The following ABCB1 variants were observed in gnomAD, a reference collection of about 807,000 sequenced individuals.
ABCB1 encodes the protein ATP-dependent translocase ABCB1.
ABCB1 carries 69 observed loss-of-function variants against 142.0 expected under a neutral mutation model. That is an observed-to-expected ratio of 0.49 (90% CI 0.40 to 0.59). The LOEUF (loss-of-function observed/expected upper bound fraction) is 0.59. Ranked by LOEUF, ABCB1 falls within the 20% of genes least tolerant of loss-of-function variation. The pLI, the probability that ABCB1 is intolerant of heterozygous loss-of-function variation, is 0.00. For synonymous variants in ABCB1, 532 were observed against 539.2 expected, an observed-to-expected ratio of 0.99 and a Z score of 0.18; for missense variants, 1,326 against 1,554.7, an observed-to-expected ratio of 0.85 and a Z score of 2.47.
intron 1 of ABCB1, among the ~76,000 whole-genome samples, chr7:87,620,625 T>A (rs758870078): frequency 6.6e-6 from 1 of 152,164 alleles, no homozygotes; most frequent in Non-Finnish European, 1.5e-5. Context: ...TACGTGTTGT[T>A]CCACTAACTT....
intron 9 of ABCB1, among the ~76,000 whole-genome samples, chr7:87,552,131 G>T (rs1461317491): frequency 6.6e-6 from 1 of 152,132 alleles, no homozygotes; most frequent in Non-Finnish European, 1.5e-5. Flanking sequence ...TTATCAGGTT[G>T]TCTTTTTTGC....
rs778275248 is a variant in ABCB1, at chr7:87,515,371, G to A, written c.3142C>T (p.Pro1048Ser). Residue 1048 changes from proline (P) to serine (S), a missense_variant, in exon 25 of 28, where the codon CCG becomes TCG. Coordinates refer to ENST00000622132, the MANE Select transcript of ABCB1 (RefSeq NM_001348946.2). ...AGTCCCTGAAGCACTGGGATGTCCG[G>A]TCGGGTGGGATAGTTGAATACAACT... is the stretch of plus-strand genomic sequence containing the variant. ...GEVVFNYPTR[P>S]DIPVLQGLSL... 2.5e-6 allele frequency: 4 copies of A among 1,614,022 alleles called. No homozygotes were observed. The highest frequency in any genetic ancestry group is 2.7e-5 in the African/African-American group (2 of 74,912).
At chr7:87,662,285 G>T (rs1824789690) in intron 1 of ABCB1, among the ~76,000 whole-genome samples, 1 of 151,992 alleles carries the variant, frequency 6.6e-6, no homozygotes, top group Non-Finnish European at 1.5e-5. Context: ...TTTTGCTTTG[G>T]TTCCCTGTTC....
At chr7:87,700,627 A>C in intron 1 of ABCB1, 1 of 1,373,988 alleles carries the variant, frequency 7.3e-7, no homozygotes, top group Non-Finnish European at 1.0e-6. Flanking sequence ...GGAAGGTGTG[A>C]AGCTACTTAC....
intron 1 of ABCB1, chr7:87,713,136 A>ATT (rs1024348317): frequency 4.6e-4 from 70 of 152,306 alleles, no homozygotes; most frequent in Non-Finnish European, 3.1e-4. Flanking sequence ...AATACAAACA[A>ATT]TTAGAAAGAG....
chr7:87,538,360 C>T (rs555998073), intron 19 of ABCB1, among the ~76,000 whole-genome samples: 53 of 152,188 alleles, frequency 3.5e-4, no homozygotes, highest in Non-Finnish European at 6.0e-4. Flanking sequence ...CTCTGTCAGT[C>T]ACTAGCTAGC....
chr7:87,550,801 C>G lies in ABCB1; in HGVS notation c.1037G>C (p.Gly346Ala). ...TGCTTCAATGCTTGGAGATGCCTGTCCAACACTAAAAGCCCCAATTAATAC... is the reference window on the plus strand; with the variant it reads ...TGCTTCAATGCTTGGAGATGCCTGTGCAACACTAAAAGCCCCAATTAATAC... ...FSVLIGAFSV[G>A]QASPSIEAFA... is the part of the protein sequence containing the mutation. Residue 346 changes from glycine (G) to alanine (A), a missense_variant, in exon 10 of 28, where the codon GGA becomes GCA. Transcript: ENST00000622132. The G allele has an allele frequency of 1.9e-6, 3 of 1,613,518 alleles. No homozygotes were observed. The highest frequency in any genetic ancestry group is 2.5e-6 in the Non-Finnish European group (3 of 1,179,550).
chr7:87,700,082 G>T (rs950776253), intron 1 of ABCB1, among the ~76,000 whole-genome samples: 1 of 151,996 alleles, frequency 6.6e-6, no homozygotes, highest in African/African-American at 2.4e-5. Flanking sequence ...AGAAGCGCAG[G>T]AAGGTTCCCG....
chr7:87,580,638 T>C (rs1440815569), intron 4 of ABCB1, among the ~76,000 whole-genome samples: 1 of 152,206 alleles, frequency 6.6e-6, no homozygotes. Context: ...TTAAATAAAC[T>C]TTCTACTCTA....
At chr7:87,610,728 A>T (rs987308334) in intron 1 of ABCB1, among the ~76,000 whole-genome samples, 4 of 152,218 alleles carry the variant, frequency 2.6e-5, no homozygotes, top group Admixed American at 6.5e-5. Context: ...TATAAAAATT[A>T]TGTTGCAGAA....
At chr7:87,678,467 T>G (rs1585078092) in intron 1 of ABCB1, among the ~76,000 whole-genome samples, 1 of 151,968 alleles carries the variant, frequency 6.6e-6, no homozygotes, top group South Asian at 2.1e-4. Flanking sequence ...ATACTAAGAG[T>G]TTTTAGCCAA....
At position 87,659,772 on chromosome 7, in the gene ABCB1, C is replaced by G. The variant is rs183838202; in HGVS notation, c.-331+53389G>C. Among the ~76,000 whole-genome samples, 3 of 152,264 alleles carry G rather than the reference C, an allele frequency of 2.0e-5. No individual in the cohort carries two copies. In the East Asian group the frequency reaches 5.8e-4, roughly 29 times the overall value. On this transcript the variant is annotated intron_variant, in intron 1 of 28. Coordinates refer to the ABCB1 transcript ENST00000265724. ...TTCTAGCCAGTCTTCCTTTTTATCT[C>G]CACCTTCAGAATCTTTTAATGTTTG...
upstream of ABCB1, among the ~76,000 whole-genome samples, chr7:87,603,395 A>G (rs893067219): frequency 1.3e-5 from 2 of 152,118 alleles, no homozygotes; most frequent in African/African-American, 2.4e-5. Flanking sequence ...CTTAACCACT[A>G]TCCTACACTG....
At chr7:87,615,625 A>T (rs1215207172) in intron 1 of ABCB1, among the ~76,000 whole-genome samples, 3 of 152,228 alleles carry the variant, frequency 2.0e-5, no homozygotes, top group African/African-American at 7.2e-5. Flanking sequence ...TAGTGGGAAT[A>T]ATGAAAAGTG....
chr7:87,539,419 C>T, intron 18 of ABCB1, 74 bp from the exon 19 acceptor site: 1 of 1,454,430 alleles, frequency 6.9e-7, no homozygotes, highest in Non-Finnish European at 9.6e-7. Context: ...GATGTCTTTG[C>T]TAAAGCAGGA....
chr7:87,674,025 T>A (rs1454388283), intron 1 of ABCB1, among the ~76,000 whole-genome samples: 1 of 152,186 alleles, frequency 6.6e-6, no homozygotes, highest in Non-Finnish European at 1.5e-5. Flanking sequence ...TCTGGGGAAC[T>A]GGTACCTGGC....
At chr7:87,635,942 T>A (rs2130242311) in intron 1 of ABCB1, among the ~76,000 whole-genome samples, 1 of 152,366 alleles carries the variant, frequency 6.6e-6, no homozygotes, top group Non-Finnish European at 1.5e-5. Flanking sequence ...TCATTTTCAT[T>A]GCTGTATCTT....
At chr7:87,700,568 C>A in intron 1 of ABCB1, 1 of 1,594,330 alleles carries the variant, frequency 6.3e-7, no homozygotes, top group South Asian at 1.2e-5. Context: ...AGACATTGGT[C>A]AGAGACTCGT....
intron 2 of ABCB1, among the ~76,000 whole-genome samples, chr7:87,599,784 C>T (rs527251027): frequency 2.0e-5 from 3 of 152,150 alleles, no homozygotes; most frequent in Non-Finnish European, 4.4e-5. Flanking sequence ...ATGAAATATA[C>T]CTAAGGTGAT....
Sources: gnomAD v4.1 joint callset for allele counts (sites outside exome capture counted in the v4.1 genomes callset) on GRCh38, gnomAD v4.1.1 for gene constraint, MANE v1.5 for transcripts, NCBI Gene and HGNC (gene_info 2026-07-23, HGNC 2026-07-21) for gene names.